Variants in POLE2 observed in about 807,000 individuals in gnomAD.
POLE2 encodes the protein DNA polymerase epsilon 2, accessory subunit, also known as DNA polymerase epsilon subunit 2.
In POLE2, 56 loss-of-function variants were observed where a neutral mutation model predicts 79.4. The observed-to-expected ratio is 0.71, with a 90% confidence interval of 0.57 to 0.88. The LOEUF (loss-of-function observed/expected upper bound fraction) is 0.88. Ranked by LOEUF, POLE2 falls within the 40% of genes least tolerant of loss-of-function variation. The probability of loss-of-function intolerance (pLI) is 0.00; values close to 1 mark genes in which losing one functional copy is unlikely to be tolerated. For missense variants in POLE2, 598 were observed against 638.9 expected, an observed-to-expected ratio of 0.94 and a Z score of 0.69; for synonymous variants, 212 against 214.0, an observed-to-expected ratio of 0.99 and a Z score of 0.08.
intron 3 of POLE2, among the ~76,000 whole-genome samples, chr14:49,676,746 C>T (rs551903975): frequency 2.0e-5 from 3 of 152,216 alleles, no homozygotes; most frequent in Non-Finnish European, 4.4e-5. Context: ...GGTGTGGGAG[C>T]AGGAGCTGCC....
chr14:49,654,295 G>A, intron 13 of POLE2, 81 bp from the exon 14 acceptor site: 1 of 916,620 alleles, frequency 1.1e-6, no homozygotes, highest in Non-Finnish European at 1.7e-6. Context: ...TATTCCCTTT[G>A]TTTTCTCTTT....
intron 1 of POLE2, among the ~76,000 whole-genome samples, chr14:49,685,067 A>G (rs45576339): frequency 2.6e-3 from 401 of 152,342 alleles, no homozygotes; most frequent in Non-Finnish European, 4.3e-3. Context: ...GTTACATGCC[A>G]CTACATGCCA....
intron 18 of POLE2, among the ~76,000 whole-genome samples, chr14:49,646,198 G>A (rs1177057013): frequency 2.0e-5 from 3 of 146,970 alleles, no homozygotes; most frequent in Non-Finnish European, 4.4e-5. Context: ...AAATAAATAT[G>A]TTAATTCCAA....
At chr14:49,666,279 C>A in intron 7 of POLE2, 51 bp downstream of exon 7, 1 of 896,444 alleles carries the variant, frequency 1.1e-6, no homozygotes, top group South Asian at 1.5e-5. Context: ...ATGTAACCGA[C>A]ATTTCATCAA....
At chr14:49,674,454 C>G in intron 3 of POLE2, 27 bp from the exon 4 acceptor site, 6 of 1,405,320 alleles carry the variant, frequency 4.3e-6, no homozygotes, top group African/African-American at 1.4e-5. Context: ...AAAATACAGA[C>G]CTGATTTACT....
chr14:49,675,106 CAG>C (rs911180675), intron 3 of POLE2, among the ~76,000 whole-genome samples: 105 of 148,118 alleles, frequency 7.1e-4, no homozygotes, highest in African/African-American at 2.4e-3. Flanking sequence ...TTTTTTGAGA[CAG>C]AGTTTCACTC....
chr14:49,683,787 C>G, intron 1 of POLE2, 94 bp from the exon 2 acceptor site: 1 of 626,476 alleles, frequency 1.6e-6, no homozygotes, highest in Non-Finnish European at 2.8e-6. Context: ...CAATCTGGCA[C>G]TGAAAGGAAG....
At chr14:49,679,574 C>A in intron 3 of POLE2, 151 bp downstream of exon 3, 1 of 541,050 alleles carries the variant, frequency 1.8e-6, no homozygotes, top group Non-Finnish European at 3.3e-6. Flanking sequence ...ATGAGGTTTG[C>A]AAAGAAAGCC....
At position 49,655,009 on chromosome 14, in the gene POLE2, C is replaced by A; in HGVS notation, c.1014G>T (p.Leu338Phe). Residue 338 changes from leucine to phenylalanine, a missense_variant, in exon 12 of 19, where the codon TTG (leucine) becomes TTT (phenylalanine). Transcript: ENST00000216367. ...APYGKNQVQA[L>F]KDSLKTLADI... ...TATTAAATAGATCGTTAATACCTTT[C>A]AAAGCTTGAACTTGATTTTTTCCAT... The A allele has an allele frequency of 1.3e-6, 2 of 1,557,384 alleles. No homozygotes were observed. The highest frequency in any genetic ancestry group is 1.2e-5 in the South Asian group (1 of 82,360).
chr14:49,676,437 T>C (rs933010866), intron 3 of POLE2, among the ~76,000 whole-genome samples: 2 of 152,242 alleles, frequency 1.3e-5, no homozygotes, highest in Non-Finnish European at 1.5e-5. Context: ...TAGATCAGTC[T>C]GAGTAAGTTA....
intron 1 of POLE2, among the ~76,000 whole-genome samples, chr14:49,686,394 C>T (rs1320128031): frequency 6.6e-6 from 1 of 152,190 alleles, no homozygotes; most frequent in African/African-American, 2.4e-5. Context: ...AGGATAGCCT[C>T]CAGCCAACAG....
At chr14:49,646,973 C>G (rs938302090) in intron 18 of POLE2, 3 of 196,698 alleles carry the variant, frequency 1.5e-5, no homozygotes, top group Non-Finnish European at 3.1e-5. Context: ...AAGAAGCAAC[C>G]ATACGGAGGG....
intron 17 of POLE2, 179 bp downstream of exon 17, chr14:49,650,086 C>T: frequency 2.7e-6 from 1 of 368,710 alleles, no homozygotes; most frequent in South Asian, 1.2e-4. Flanking sequence ...AGTCACTATA[C>T]TGAAAGTTTA....
rs1377449437 is a variant in POLE2, at chr14:49,664,615, T to C, written c.682+11A>G. ...TGAGAAGAAGGACAGTAACAAAGTA[T>C]ACTGACTTACCTTCTGCTAAGACAA... On this transcript the variant is annotated intron_variant, in intron 9 of 18. Coordinates refer to ENST00000216367, the MANE Select transcript of POLE2 (RefSeq NM_002692.4). The C allele has an allele frequency of 1.3e-6, 2 of 1,550,170 alleles. No individual in the cohort carries two copies. Among genetic ancestry groups the C allele is most frequent in the Non-Finnish European group, 1.8e-6 (2 of 1,122,062 alleles).
At chr14:49,652,352 A>G (rs952266215) in intron 15 of POLE2, among the ~76,000 whole-genome samples, 3 of 151,124 alleles carry the variant, frequency 2.0e-5, no homozygotes, top group Non-Finnish European at 2.9e-5. Context: ...CTGGAGACCA[A>G]TTAGGAGGCT....
At chr14:49,662,803 A>G (rs534633968) in intron 10 of POLE2, among the ~76,000 whole-genome samples, 26 of 152,356 alleles carry the variant, frequency 1.7e-4, no homozygotes, top group Admixed American at 1.0e-3. Context: ...TGGGACACCA[A>G]GTACAATTTT....
chr14:49,670,360 G>T (rs1289885467), intron 5 of POLE2, among the ~76,000 whole-genome samples: 2 of 145,518 alleles, frequency 1.4e-5, no homozygotes, highest in African/African-American at 2.6e-5. Context: ...TTCAGGCAGA[G>T]AAATTATAAG....
At chr14:49,663,062 G>A (rs1380315080) in intron 10 of POLE2, among the ~76,000 whole-genome samples, 1 of 152,154 alleles carries the variant, frequency 6.6e-6, no homozygotes, top group East Asian at 1.9e-4. Flanking sequence ...CAACCCCAGA[G>A]ATAAAACAGA....
At chr14:49,687,291 A>ACACACACAC (rs1233618866) in intron 1 of POLE2, among the ~76,000 whole-genome samples, 1 of 122,534 alleles carries the variant, frequency 8.2e-6, no homozygotes, top group African/African-American at 3.0e-5. Flanking sequence ...ATATATATAT[A>ACACACACAC]CACACACACC....
Sources: gnomAD v4.1 joint callset for allele counts (sites outside exome capture counted in the v4.1 genomes callset) on GRCh38, gnomAD v4.1.1 for gene constraint, MANE v1.5 for transcripts, NCBI Gene and HGNC (gene_info 2026-07-23, HGNC 2026-07-21) for gene names.